ELSPBP1: variants seen among roughly 807,000 people sequenced by gnomAD.
The protein encoded by ELSPBP1 is epididymal sperm binding protein 1.
A neutral mutation model predicts 33.3 loss-of-function variants in ELSPBP1; 38 were observed. That is an observed-to-expected ratio of 1.14 (90% CI 0.88 to 1.50). The LOEUF (loss-of-function observed/expected upper bound fraction) is 1.50. ELSPBP1 is among the 40% of genes most tolerant of loss of function. The pLI, the probability that ELSPBP1 is intolerant of heterozygous loss-of-function variation, is 0.00. For missense variants in ELSPBP1, 267 were observed against 263.5 expected (o/e 1.01, Z -0.09); for synonymous variants, 85 against 94.1 (o/e 0.90, Z 0.56).
At chr19:48,012,404 C>T (rs1369977505) in intron 2 of ELSPBP1, among the ~76,000 whole-genome samples, 3 of 152,098 alleles carry the variant, frequency 2.0e-5, no homozygotes. Context: ...AGGCATGGAG[C>T]ATTGTGCCTG....
At chr19:48,016,449 CTCTTTCTTT>C (rs1967133782) in intron 4 of ELSPBP1, among the ~76,000 whole-genome samples, 2 of 142,694 alleles carry the variant, frequency 1.4e-5, no homozygotes. Flanking sequence ...CCTCCCTTTT[CTCTTTCTTT>C]TCTTTCCTTC....
At chr19:48,020,368 A>G (rs1967186373) in intron 5 of ELSPBP1, among the ~76,000 whole-genome samples, 1 of 152,120 alleles carries the variant, frequency 6.6e-6, no homozygotes, top group Non-Finnish European at 1.5e-5. Flanking sequence ...AGGCTCAAAC[A>G]TTTGGAAAAC....
chr19:48,016,519 TCTTTCTTTCTTCCTTCCTTC>T (rs1420359619), intron 4 of ELSPBP1, among the ~76,000 whole-genome samples: 15 of 62,182 alleles, frequency 2.4e-4, no homozygotes, highest in Non-Finnish European at 3.2e-4. Flanking sequence ...TTTCTTTCTT[TCTTTCTTTCTTCCTTCCTTC>T]CTTCCTTCCT....
At chr19:48,008,792 G>T in intron 2 of ELSPBP1, 55 bp downstream of exon 2, 1 of 1,499,866 alleles carries the variant, frequency 6.7e-7, no homozygotes. Context: ...GAATGAATGG[G>T]GCAAAGCAAA....
intron 5 of ELSPBP1, 143 bp from the exon 6 acceptor site, chr19:48,022,027 C>A (rs959457762): frequency 2.8e-6 from 2 of 706,862 alleles, no homozygotes; most frequent in Non-Finnish European, 4.7e-6. Context: ...GGATTAAATG[C>A]GCGCGATTAA....
At chr19:48,022,048 TA>T in intron 5 of ELSPBP1, 121 bp from the exon 6 acceptor site, 1 of 848,912 alleles carries the variant, frequency 1.2e-6, no homozygotes, top group South Asian at 2.0e-5. Context: ...ATGCTGGGAT[TA>T]AAGGCGCGAA....
At chr19:48,005,710 G>A (rs555770628) in intron 1 of ELSPBP1, among the ~76,000 whole-genome samples, 30 of 152,298 alleles carry the variant, frequency 2.0e-4, no homozygotes, top group African/African-American at 6.7e-4. Flanking sequence ...CCGGTCCCAT[G>A]TTAAGCCTAG....
chr19:48,015,350 C>G (rs1370738258), intron 3 of ELSPBP1, among the ~76,000 whole-genome samples: 2 of 152,094 alleles, frequency 1.3e-5, no homozygotes, highest in African/African-American at 4.8e-5. Context: ...TTCAACATAA[C>G]TTTTTTTGAA....
At chr19:48,006,542 A>C (rs560942063) in intron 1 of ELSPBP1, among the ~76,000 whole-genome samples, 1 of 142,530 alleles carries the variant, frequency 7.0e-6, no homozygotes, top group East Asian at 2.6e-4. Flanking sequence ...TGAGCCTGGC[A>C]GATGGAGGTT....
At chr19:48,020,142 C>T (rs745314374) in intron 5 of ELSPBP1, among the ~76,000 whole-genome samples, 18 of 152,064 alleles carry the variant, frequency 1.2e-4, no homozygotes, top group Non-Finnish European at 2.2e-4. Context: ...AGTAAACACA[C>T]GCCAGGGTTT....
chr19:48,014,000 AG>A lies in ELSPBP1; in HGVS notation c.71-169del, dbSNP rs527681772. 1.3e-3 allele frequency among the ~76,000 whole-genome samples: 200 copies of A among 152,222 alleles called. 1 individual carries two copies. Among genetic ancestry groups the A allele is most frequent in the African/African-American group, 4.8e-3 (198 of 41,542 alleles). On this transcript the variant is annotated intron_variant, in intron 2 of 6. Transcript: ENST00000339841. ...CCCTTACGACCTAATCACCTTCCAAAGGCCCCTCGTACCATGACCGTGGGGG... is the reference window on the plus strand; with the variant it reads ...CCCTTACGACCTAATCACCTTCCAAAGCCCCTCGTACCATGACCGTGGGGG...
In ELSPBP1 at chr19:48,003,153, G is replaced by A. The variant is rs533943835; in HGVS notation, c.-17-5498G>A. Among the ~76,000 whole-genome samples, 8 of 152,276 alleles carry A rather than the reference G, an allele frequency of 5.3e-5. 1 individual carries two copies. Among genetic ancestry groups the A allele is most frequent in the African/African-American group, 1.9e-4 (8 of 41,560 alleles). On this transcript the variant is annotated intron_variant, in intron 1 of 6. Coordinates refer to ENST00000339841, the MANE Select transcript of ELSPBP1 (RefSeq NM_022142.5). ...CCTGGATGTTCCAGACGAGACATGGGTGTCTGGCTATTAGGGCTTGTTTTA... is the reference window on the plus strand; with the variant it reads ...CCTGGATGTTCCAGACGAGACATGGATGTCTGGCTATTAGGGCTTGTTTTA...
At chr19:48,019,079 G>C (rs191622281) in intron 4 of ELSPBP1, among the ~76,000 whole-genome samples, 2 of 152,192 alleles carry the variant, frequency 1.3e-5, no homozygotes, top group Admixed American at 1.3e-4. Flanking sequence ...TCTTGAACCC[G>C]GGAAGTGGAG....
intron 1 of ELSPBP1, among the ~76,000 whole-genome samples, chr19:48,001,713 CT>C (rs1006812325): frequency 3.6e-4 from 52 of 144,744 alleles, no homozygotes; most frequent in African/African-American, 5.3e-4. Flanking sequence ...AGTTTTCTTT[CT>C]TTTTTTTTTT....
At position 48,001,786 on chromosome 19, in the gene ELSPBP1, C is replaced by T. The variant is rs559886413; in HGVS notation, c.-17-6865C>T. ...TAGGCTGATCTCGACCTCCTGGGCT[C>T]AACCAGTCCTCCCACCTCAGCCTCT... On this transcript the variant is annotated intron_variant, in intron 1 of 6. Transcript: ENST00000339841. 3.5e-3 allele frequency among the ~76,000 whole-genome samples: 530 copies of T among 151,896 alleles called. 1 individual carries two copies. The highest frequency in any genetic ancestry group is 6.0e-3 in the Non-Finnish European group (408 of 67,976).
chr19:47,996,633 G>A (rs1331554849), intron 1 of ELSPBP1, among the ~76,000 whole-genome samples: 1 of 151,904 alleles, frequency 6.6e-6, no homozygotes, highest in African/African-American at 2.4e-5. Flanking sequence ...ATGGGTGGAA[G>A]GATACATGGG....
At chr19:48,003,024 C>T (rs1966982398) in intron 1 of ELSPBP1, among the ~76,000 whole-genome samples, 1 of 152,110 alleles carries the variant, frequency 6.6e-6, no homozygotes, top group African/African-American at 2.4e-5. Context: ...AGCCAAGAAA[C>T]AGCAGCGGTG....
chr19:48,016,194 C>T (rs543431328), intron 4 of ELSPBP1, among the ~76,000 whole-genome samples, 155 bp downstream of exon 4: 6 of 152,300 alleles, frequency 3.9e-5, no homozygotes, highest in South Asian at 2.1e-4. Context: ...GCTATGACAA[C>T]GACAGACAGG....
In ELSPBP1 at chr19:48,019,723, TG is replaced by T. The variant is rs750146300; in HGVS notation, c.365del (p.Gly122GlufsTer119). On this transcript the variant is annotated frameshift_variant, in exon 5 of 7. Coordinates refer to ENST00000339841, the MANE Select transcript of ELSPBP1 (RefSeq NM_022142.5). LOFTEE classifies it high-confidence loss of function. ...CCTTTCCATAATCCTTTTCAGAGTA[TG>T]GGGGAAATTCTCTCAGGAAGCCCTG... ...QWKFCETNEY[G>X]GNSLRKPCIF... The T allele has an allele frequency of 2.5e-6, 4 of 1,613,442 alleles. No individual in the cohort carries two copies. Among genetic ancestry groups the T allele is most frequent in the Non-Finnish European group, 1.7e-6 (2 of 1,179,804 alleles).
Sources: allele counts gnomAD v4.1 joint callset (sites outside exome capture counted in the v4.1 genomes callset), GRCh38; gene constraint gnomAD v4.1.1; transcripts MANE v1.5; gene names NCBI Gene and HGNC (gene_info 2026-07-23, HGNC 2026-07-21).